Variants in DSCAML1 observed in about 807,000 individuals in gnomAD.
DSCAML1 encodes cell adhesion molecule DSCAML1.
In DSCAML1, 38 loss-of-function variants were observed where a neutral mutation model predicts 200.5. The observed-to-expected ratio is 0.19, with a 90% CI of 0.15 to 0.25. The LOEUF (loss-of-function observed/expected upper bound fraction) is 0.25, where lower values mean the gene tolerates loss of function less well. Among genes scored for constraint, DSCAML1 ranks in the 10% least tolerant of loss-of-function variants. The pLI is 1.00. For missense variants in DSCAML1, 2,223 were observed against 2,858.8 expected (o/e 0.78, Z 5.07); for synonymous variants, 1,215 against 1,165.0 (o/e 1.04, Z -0.87).
At chr11:117,702,093 T>C (rs533065725) in intron 3 of DSCAML1, among the ~76,000 whole-genome samples, 4 of 152,334 alleles carry the variant, frequency 2.6e-5, no homozygotes, top group Admixed American at 2.6e-4. Context: ...CCTGTGTGGC[T>C]GCCTCTTCCC....
intron 3 of DSCAML1, among the ~76,000 whole-genome samples, chr11:117,606,627 T>G (rs934262275): frequency 6.6e-5 from 10 of 152,214 alleles, no homozygotes; most frequent in Non-Finnish European, 1.0e-4. Flanking sequence ...TGACATGGGT[T>G]CCATCCGTCC....
intron 18 of DSCAML1, among the ~76,000 whole-genome samples, chr11:117,460,907 C>A (rs1353643853): frequency 1.3e-5 from 2 of 152,048 alleles, no homozygotes; most frequent in Non-Finnish European, 2.9e-5. Flanking sequence ...TCCTCCCTCT[C>A]CCCCTTGGCC....
intron 3 of DSCAML1, among the ~76,000 whole-genome samples, chr11:117,560,109 G>C (rs913847844): frequency 1.3e-5 from 2 of 152,058 alleles, no homozygotes; most frequent in Non-Finnish European, 2.9e-5. Context: ...TGAAAGAAAG[G>C]GGGGGCCACT....
chr11:117,539,606 C>CAAAAAAAAAAAAAAA (rs35130897), intron 3 of DSCAML1, among the ~76,000 whole-genome samples: 996 of 52,514 alleles, frequency 0.019, 53 homozygotes, highest in African/African-American at 0.048. Flanking sequence ...AAAACTCTGT[C>CAAAAAAAAAAAAAAA]AAAAAAAAAA....
chr11:117,474,574 T>C (rs2048751118), intron 14 of DSCAML1, among the ~76,000 whole-genome samples: 1 of 152,124 alleles, frequency 6.6e-6, no homozygotes, highest in African/African-American at 2.4e-5. Flanking sequence ...ATCTTGGATG[T>C]TTCATGGACA....
chr11:117,433,986 C>G (rs767386624), intron 27 of DSCAML1, among the ~76,000 whole-genome samples: 15 of 152,202 alleles, frequency 9.9e-5, no homozygotes, highest in Admixed American at 5.9e-4. Flanking sequence ...TTTTGTGGCC[C>G]CTGCTTTGTC....
chr11:117,673,681 T>G (rs1384530755), intron 3 of DSCAML1, among the ~76,000 whole-genome samples: 3 of 152,188 alleles, frequency 2.0e-5, no homozygotes, highest in African/African-American at 7.2e-5. Flanking sequence ...TTAATCAGCC[T>G]GTGATCACCA....
In DSCAML1 at chr11:117,694,200, C is replaced by T. The variant is rs914880811; in HGVS notation, c.511+82591G>A. Among the ~76,000 whole-genome samples, 26 of 151,342 alleles carry T rather than the reference C, an allele frequency of 1.7e-4. 1 individual carries two copies. Among genetic ancestry groups the T allele is most frequent in the African/African-American group, 6.3e-4 (26 of 41,218 alleles). ...GATGGATCACTTGAGGTCAGGAGTT[C>T]GAGACCAGCCTGGCCAACATGGCGG... On this transcript the variant is annotated intron_variant, in intron 3 of 32. Coordinates refer to ENST00000651296, the MANE Select transcript of DSCAML1 (RefSeq NM_020693.4).
intron 5 of DSCAML1, 38 bp downstream of exon 5, chr11:117,524,767 A>T (rs1336313051): frequency 6.5e-7 from 1 of 1,546,808 alleles, no homozygotes; most frequent in African/African-American, 1.4e-5. Flanking sequence ...GCGCCCTCAG[A>T]GGTTACTGGG....
Position 117,780,528 on chromosome 11 carries a change from C to T in DSCAML1, c.329G>A (p.Gly110Asp). Reference protein sequence around the residue: ...DYFCTAENAAGKIRSPNIRVK... With the variant: ...DYFCTAENAADKIRSPNIRVK... ...GCGGATGTTGGGGCTCCGGATCTTG[C>T]CGGCAGCGTTCTCCGCGGTGCAGAA... Residue 110 changes from glycine (G) to aspartate (D), a missense_variant, in exon 2 of 33, where the codon GGC becomes GAC. Transcript: ENST00000651296. This position sits in a 1 kb window ranked among gnomAD's most constrained non-coding sequence, Gnocchi z 4.8. 1 of 1,460,532 alleles carries T rather than the reference C, an allele frequency of 6.8e-7. No homozygotes were observed. The highest frequency in any genetic ancestry group is 9.1e-7 in the Non-Finnish European group (1 of 1,099,996). 90.5% of individuals were successfully genotyped at this position (1,460,532 alleles called of 1,614,324 possible).
At chr11:117,755,489 A>G (rs911545653) in intron 3 of DSCAML1, among the ~76,000 whole-genome samples, 1 of 152,118 alleles carries the variant, frequency 6.6e-6, no homozygotes, top group Non-Finnish European at 1.5e-5. Context: ...CCAAGAATCC[A>G]TCCCTGCCCC....
At chr11:117,802,211 C>A (rs1172479814), upstream of DSCAML1, among the ~76,000 whole-genome samples, 1 of 152,228 alleles carries the variant, frequency 6.6e-6, no homozygotes, top group Non-Finnish European at 1.5e-5. Flanking sequence ...CCAGTGCCCC[C>A]CTTTTTCACC....
Position 117,489,475 on chromosome 11 carries a change from T to C in DSCAML1, c.2360-7313A>G, listed in dbSNP as rs2049145021. The stretch of plus-strand genomic sequence containing the variant: ...ACAAACGGGTGCAGGGGAGACTTTC[T>C]GGGGACTTGAGAGAAGGGAAGGGCT... On this transcript the variant is annotated intron_variant, in intron 11 of 32. Transcript: ENST00000651296. This position sits in a 1 kb window ranked among gnomAD's most constrained non-coding sequence, Gnocchi z 4.8. 6.6e-6 allele frequency among the ~76,000 whole-genome samples: 1 copy of C among 152,176 alleles called. No homozygotes were observed. Among genetic ancestry groups the C allele is most frequent in the Admixed American group, 6.5e-5 (1 of 15,280 alleles).
At chr11:117,554,754 C>T (rs2050529547) in intron 3 of DSCAML1, among the ~76,000 whole-genome samples, 1 of 152,174 alleles carries the variant, frequency 6.6e-6, no homozygotes, top group South Asian at 2.1e-4. Context: ...AGCTGTGTTG[C>T]AATCATGAGG....
At chr11:117,443,647 C>T (rs372066161) in intron 21 of DSCAML1, among the ~76,000 whole-genome samples, 1 of 152,172 alleles carries the variant, frequency 6.6e-6, no homozygotes, top group Admixed American at 6.5e-5. Flanking sequence ...GAACTGAGTG[C>T]ACCCTGTCCA....
At chr11:117,441,038 C>T (rs2048035733) in intron 21 of DSCAML1, among the ~76,000 whole-genome samples, 1 of 150,868 alleles carries the variant, frequency 6.6e-6, no homozygotes, top group Admixed American at 6.6e-5. Flanking sequence ...CAGAACGTGA[C>T]AGGATGGTGG....
chr11:117,450,807 C>T lies in DSCAML1; in HGVS notation c.3569-119G>A, dbSNP rs892539801. Reference sequence around the variant, plus strand: ...GGGAGAGCTTCTTGGAGGTGGCATCCTTGAGCTGTGGTTTAGAAGGGGAGG... The same window carrying T: ...GGGAGAGCTTCTTGGAGGTGGCATCTTTGAGCTGTGGTTTAGAAGGGGAGG... On this transcript the variant is annotated intron_variant, in intron 19 of 32. Transcript: ENST00000651296. 258 of 1,244,010 alleles carry T rather than the reference C, an allele frequency of 2.1e-4. 4 individuals carry two copies. Among genetic ancestry groups the T allele is most frequent in the Non-Finnish European group, 3.6e-5 (33 of 913,036 alleles). 77.1% of individuals were successfully genotyped at this position (1,244,010 alleles called of 1,614,324 possible).
At chr11:117,494,813 G>C (rs1272369030) in intron 11 of DSCAML1, among the ~76,000 whole-genome samples, 1 of 152,180 alleles carries the variant, frequency 6.6e-6, no homozygotes, top group Admixed American at 6.5e-5. Context: ...GGAAGAGAAG[G>C]CCATGTGGTG....
intron 3 of DSCAML1, among the ~76,000 whole-genome samples, chr11:117,600,632 G>A (rs578178424): frequency 3.3e-5 from 5 of 152,274 alleles, no homozygotes; most frequent in African/African-American, 1.2e-4. Flanking sequence ...ACCACATTAG[G>A]CAGTGACAAT....
Sources: gnomAD v4.1 joint callset for allele counts (sites outside exome capture counted in the v4.1 genomes callset) on GRCh38, gnomAD v4.1.1 for gene constraint, Gnocchi (gnomAD v3.1) non-coding constraint, MANE v1.5 for transcripts, NCBI Gene and HGNC (gene_info 2026-07-23, HGNC 2026-07-21) for gene names.